Variants in SEPTIN7 observed in about 807,000 individuals in gnomAD.
The protein encoded by SEPTIN7 is septin-7.
A neutral mutation model predicts 63.3 loss-of-function variants in SEPTIN7; 10 were observed. That is an observed-to-expected ratio of 0.16 (90% CI 0.10 to 0.27). The LOEUF is 0.27. Among genes scored for constraint, SEPTIN7 ranks in the 10% least tolerant of loss-of-function variants. The probability of loss-of-function intolerance (pLI) is 1.00; values close to 1 mark genes in which losing one functional copy is unlikely to be tolerated. For synonymous variants in SEPTIN7, 131 were observed against 165.3 expected (o/e 0.79, Z 1.59); for missense variants, 310 against 521.0 (o/e 0.59, Z 3.94).
intron 1 of SEPTIN7, chr7:35,802,322 G>C (rs1160324864): frequency 3.3e-6 from 1 of 307,536 alleles, no homozygotes; most frequent in East Asian, 8.1e-5. Flanking sequence ...CATTTGCTGA[G>C]TTACTTTTGA....
At chr7:35,872,365 AGTG>A (rs1329981519) in intron 4 of SEPTIN7, among the ~76,000 whole-genome samples, 1 of 152,172 alleles carries the variant, frequency 6.6e-6, no homozygotes, top group Non-Finnish European at 1.5e-5. Flanking sequence ...ACATGTCTTT[AGTG>A]GTGATCACTA....
chr7:35,880,893 A>G (rs531837261), intron 7 of SEPTIN7, among the ~76,000 whole-genome samples: 2 of 152,158 alleles, frequency 1.3e-5, no homozygotes, highest in African/African-American at 4.8e-5. Context: ...TTGGTTCGTT[A>G]TATATTACAT....
chr7:35,841,710 A>T (rs1039416573), intron 3 of SEPTIN7, among the ~76,000 whole-genome samples: 1 of 152,238 alleles, frequency 6.6e-6, no homozygotes, highest in Non-Finnish European at 1.5e-5. Context: ...TTTTAAAAGA[A>T]CTCAGTACTG....
chr7:35,842,030 A>G (rs749463032), intron 3 of SEPTIN7, among the ~76,000 whole-genome samples: 12 of 152,194 alleles, frequency 7.9e-5, no homozygotes, highest in Non-Finnish European at 1.2e-4. Context: ...CTAGCACCAA[A>G]GGAGGTCAGA....
rs555691514 is a variant in SEPTIN7, at chr7:35,833,013, T to C, written c.169+113T>C. On this transcript the variant is annotated intron_variant, in intron 3 of 13. Transcript: ENST00000350320. ...CAGATATCTACAGTGATCATATCTT[T>C]GTTGTATTTTCTCTTATGTGCATAC... is the stretch of plus-strand genomic sequence containing the variant. The C allele has an allele frequency of 2.1e-5, 14 of 659,046 alleles. No homozygotes were observed. The South Asian group carries it at 2.7e-4, about 13-fold the overall frequency. The allele number at this position is 659,046 out of a possible 1,614,324, so 40.8% of individuals were successfully genotyped here.
intron 3 of SEPTIN7, among the ~76,000 whole-genome samples, chr7:35,839,213 T>G (rs1784281292): frequency 6.6e-6 from 1 of 152,028 alleles, no homozygotes; most frequent in African/African-American, 2.4e-5. Context: ...TACATGACAG[T>G]TAGGAAATAC....
At chr7:35,882,636 G>A (rs1315755346) in intron 8 of SEPTIN7, 60 bp downstream of exon 8, 13 of 1,258,982 alleles carry the variant, frequency 1.0e-5, no homozygotes, top group East Asian at 3.3e-5. Flanking sequence ...ATACTACAGC[G>A]TCCACAGGAA....
At chr7:35,870,297 A>G (rs1393367449) in intron 4 of SEPTIN7, among the ~76,000 whole-genome samples, 1 of 152,218 alleles carries the variant, frequency 6.6e-6, no homozygotes. Context: ...TTTTTTAAAA[A>G]ACAGGGAAAT....
chr7:35,867,444 A>G (rs1053617839), intron 4 of SEPTIN7, among the ~76,000 whole-genome samples: 1 of 152,126 alleles, frequency 6.6e-6, no homozygotes, highest in Non-Finnish European at 1.5e-5. Context: ...CCACCTCCAA[A>G]GTTCAAGTGT....
At chr7:35,876,367 G>C (rs1473283615) in intron 6 of SEPTIN7, among the ~76,000 whole-genome samples, 2 of 152,082 alleles carry the variant, frequency 1.3e-5, no homozygotes, top group Non-Finnish European at 1.5e-5. Flanking sequence ...TGATAAGCAG[G>C]CTTATATCTG....
downstream of SEPTIN7, among the ~76,000 whole-genome samples, chr7:35,910,078 G>C (rs1464442199): frequency 6.6e-6 from 1 of 152,216 alleles, no homozygotes; most frequent in African/African-American, 2.4e-5. Flanking sequence ...CCACAGGGCT[G>C]CTTGAGTGGC....
At chr7:35,807,769 A>G (rs1187398028) in intron 1 of SEPTIN7, among the ~76,000 whole-genome samples, 2 of 152,008 alleles carry the variant, frequency 1.3e-5, no homozygotes, top group East Asian at 3.9e-4. Context: ...AAGTGATGGG[A>G]TTACAGGTGT....
intron 8 of SEPTIN7, 144 bp downstream of exon 8, chr7:35,882,720 T>C (rs1453209419): frequency 2.9e-6 from 2 of 690,612 alleles, no homozygotes; most frequent in Non-Finnish European, 4.0e-6. Context: ...AATTCAACTT[T>C]ATAGTTAACT....
chr7:35,873,697 A>T lies in SEPTIN7; in HGVS notation c.434A>T (p.Glu145Val). 1 of 1,611,022 alleles carries T rather than the reference A, an allele frequency of 6.2e-7. No individual in the cohort carries two copies. Among genetic ancestry groups the T allele is most frequent in the Non-Finnish European group, 8.5e-7 (1 of 1,179,214 alleles). ...AAATTTGAGGACTACCTAAATGCAG[A>T]ATCACGAGTGAACAGACGTCAGATG... ...DSKFEDYLNA[E>V]SRVNRRQMPD... Residue 145 changes from glutamate (E) to valine (V), a missense_variant, in exon 6 of 14, where the codon GAA becomes GTA. Glu to Val is a moderately radical substitution (Grantham distance 121). Around this residue, in one of 2 missense-constraint regions of SEPTIN7, gnomAD observed 255 missense variants for 490.5 expected, o/e 0.52. Coordinates refer to ENST00000350320, the MANE Select transcript of SEPTIN7 (RefSeq NM_001788.6).
chr7:35,839,523 T>TTTATGTTATGTTATGTTATGTTATG (rs59165377), intron 3 of SEPTIN7, among the ~76,000 whole-genome samples: 73 of 148,308 alleles, frequency 4.9e-4, no homozygotes, highest in Non-Finnish European at 7.1e-4. Flanking sequence ...ATTTTTGTAA[T>TTTATGTTATGTTATGTTATGTTATG]TTATGTTATG....
the SEPTIN7 span, among the ~76,000 whole-genome samples, chr7:35,912,188 C>T: frequency 0.02 from 3,000 of 152,312 alleles, 92 homozygotes; most frequent in African/African-American, 0.066. Context: ...ATCTCTGCAG[C>T]ACTGTGACAT....
chr7:35,909,575 A>G (rs1330246803), downstream of SEPTIN7, among the ~76,000 whole-genome samples: 1 of 152,352 alleles, frequency 6.6e-6, no homozygotes, highest in East Asian at 1.9e-4. Flanking sequence ...CTATCAAGGG[A>G]GAGAGAACTC....
intron 11 of SEPTIN7, among the ~76,000 whole-genome samples, chr7:35,892,001 A>G (rs957769383): frequency 1.3e-5 from 2 of 152,208 alleles, no homozygotes; most frequent in African/African-American, 2.4e-5. Flanking sequence ...CTCAGGGTCA[A>G]GATCATCAAG....
chr7:35,827,578 C>A (rs182219038), intron 1 of SEPTIN7, among the ~76,000 whole-genome samples: 4 of 152,252 alleles, frequency 2.6e-5, no homozygotes, highest in Admixed American at 6.5e-5. Flanking sequence ...GCAACCTTTG[C>A]CTCCCAGGTT....
Sources: gnomAD v4.1 joint callset for allele counts (sites outside exome capture counted in the v4.1 genomes callset) on GRCh38, gnomAD v4.1.1 for gene constraint, gnomAD v4.1.1 regional missense constraint, MANE v1.5 for transcripts, NCBI Gene and HGNC (gene_info 2026-07-23, HGNC 2026-07-21) for gene names.